The following PPP4R3A variants were observed in gnomAD, a reference collection of about 807,000 sequenced individuals.
The protein encoded by PPP4R3A is protein phosphatase 4 regulatory subunit 3A, also known as serine/threonine-protein phosphatase 4 regulatory subunit 3A.
Under a neutral mutation model 91.7 loss-of-function variants are expected in PPP4R3A, and 15 were observed. The ratio of observed to expected loss-of-function variants is 0.16; its 90% confidence interval spans 0.11 to 0.25. The LOEUF is 0.25. Ranked by LOEUF, PPP4R3A falls within the 10% of genes least tolerant of loss-of-function variation. The probability of loss-of-function intolerance (pLI) is 1.00; values close to 1 mark genes in which losing one functional copy is unlikely to be tolerated. For missense variants in PPP4R3A, 623 were observed against 998.4 expected (o/e 0.62, Z 5.07); for synonymous variants, 377 against 348.7 (o/e 1.08, Z -0.91).
At chr14:91,497,743 C>G (rs1235654779) in intron 1 of PPP4R3A, among the ~76,000 whole-genome samples, 3 of 152,128 alleles carry the variant, frequency 2.0e-5, no homozygotes, top group Middle Eastern at 3.2e-3. Context: ...GCCAACTATT[C>G]TTCTAGGAAA....
At chr14:91,470,799 G>C in intron 10 of PPP4R3A, 38 bp downstream of exon 10, 1 of 1,586,562 alleles carries the variant, frequency 6.3e-7, no homozygotes, top group Non-Finnish European at 8.5e-7. Context: ...ATACCAACAT[G>C]TCAATATACA....
At position 91,473,003 on chromosome 14, in the gene PPP4R3A, GAACTT is replaced by G. The variant is rs769350846; in HGVS notation, c.1501+25_1501+29del. The G allele has an allele frequency of 1.8e-5, 28 of 1,596,606 alleles. No homozygotes were observed. The East Asian group carries it at 5.8e-4, about 33-fold the overall frequency. On this transcript the variant is annotated intron_variant, in intron 9 of 14. Transcript: ENST00000554943. ...TTTGAATTCAGCATTCAAGAACAGAGAACTTAACTACCAACCTGAATTATCTTACC... is the reference window on the plus strand; with the variant it reads ...TTTGAATTCAGCATTCAAGAACAGAGAACTACCAACCTGAATTATCTTACC...
In PPP4R3A at chr14:91,470,899, T is replaced by C; in HGVS notation, c.1598A>G (p.Asn533Ser). 1 of 1,611,974 alleles carries C rather than the reference T, an allele frequency of 6.2e-7. No individual in the cohort carries two copies. Among genetic ancestry groups the C allele is most frequent in the Non-Finnish European group, 8.5e-7 (1 of 1,179,616 alleles). ...HTYHIKNYII[N>S]KDILRRVLVL... is the part of the protein sequence containing the mutation. ...TAGCACTCTCCGGAGGATATCCTTATTAATAATGTAGTTCTTTATGTGGTA... is the reference window on the plus strand; with the variant it reads ...TAGCACTCTCCGGAGGATATCCTTACTAATAATGTAGTTCTTTATGTGGTA... Residue 533 changes from asparagine to serine, a missense_variant, in exon 10 of 15, where the codon AAT becomes AGT. Transcript: ENST00000554943.
At chr14:91,508,256 T>C (rs1244696281) in intron 1 of PPP4R3A, among the ~76,000 whole-genome samples, 3 of 152,352 alleles carry the variant, frequency 2.0e-5, no homozygotes, top group African/African-American at 7.2e-5. Context: ...GGTAACCTTA[T>C]AACCTGTGGG....
chr14:91,503,143 T>A (rs1366543190), intron 1 of PPP4R3A, among the ~76,000 whole-genome samples: 1 of 152,106 alleles, frequency 6.6e-6, no homozygotes, highest in African/African-American at 2.4e-5. Flanking sequence ...ATGTGCCACA[T>A]GCCCAGCTAA....
chr14:91,478,590 AATT>A (rs1889350847), intron 4 of PPP4R3A, among the ~76,000 whole-genome samples: 1 of 152,244 alleles, frequency 6.6e-6, no homozygotes, highest in African/African-American at 2.4e-5. Flanking sequence ...AACAACTTGA[AATT>A]ATTCATACTT....
intron 1 of PPP4R3A, among the ~76,000 whole-genome samples, chr14:91,498,954 T>A (rs970718337): frequency 6.6e-6 from 1 of 150,942 alleles, no homozygotes; most frequent in Non-Finnish European, 1.5e-5. Flanking sequence ...CTAATTTTTT[T>A]ATTTTTATTT....
chr14:91,505,516 C>A (rs1891244085), intron 1 of PPP4R3A, among the ~76,000 whole-genome samples: 1 of 151,614 alleles, frequency 6.6e-6, no homozygotes, highest in Non-Finnish European at 1.5e-5. Context: ...ATCTCTAGCA[C>A]TGACCACCAA....
At chr14:91,498,914 A>C (rs1398258810) in intron 1 of PPP4R3A, among the ~76,000 whole-genome samples, 57 of 107,318 alleles carry the variant, frequency 5.3e-4, no homozygotes, top group African/African-American at 2.1e-3. Context: ...TGAGACTCCA[A>C]CTCAAAAAAA....
In PPP4R3A at chr14:91,458,825, A is replaced by T; in HGVS notation, c.2436T>A (p.Asp812Glu). ...GLVDYPDDDE[D>E]DDEDEDKEDT... Reference sequence around the variant, plus strand: ...CTTCCTTATCTTCATCCTCATCATCATCTTCATCATCATCAGGATAATCTA... The same window carrying T: ...CTTCCTTATCTTCATCCTCATCATCTTCTTCATCATCATCAGGATAATCTA... Residue 812 changes from aspartate to glutamate, a missense_variant, in exon 15 of 15, where the codon GAT becomes GAA. Around this residue, in one of 5 missense-constraint regions of PPP4R3A, gnomAD observed 201 missense variants for 229.9 expected, o/e 0.87. Coordinates refer to ENST00000554943, the MANE Select transcript of PPP4R3A (RefSeq NM_001366432.2). 3.1e-6 allele frequency: 5 copies of T among 1,613,696 alleles called. No individual in the cohort carries two copies. The highest frequency in any genetic ancestry group is 4.2e-6 in the Non-Finnish European group (5 of 1,179,774).
intron 3 of PPP4R3A, among the ~76,000 whole-genome samples, chr14:91,484,089 A>T (rs572869252): frequency 6.6e-6 from 1 of 152,344 alleles, no homozygotes; most frequent in South Asian, 2.1e-4. Flanking sequence ...ACACTACAAG[A>T]CAAAATCTAG....
In PPP4R3A at chr14:91,475,977, A is replaced by G; in HGVS notation, c.1111-11T>C. 4 of 1,524,504 alleles carry G rather than the reference A, an allele frequency of 2.6e-6. No individual in the cohort carries two copies. In the South Asian group the frequency reaches 5.4e-5, roughly 20 times the overall value. The allele number at this position is 1,524,504 out of a possible 1,614,324, so 94.4% of individuals were successfully genotyped here. On this transcript the variant is annotated splice_polypyrimidine_tract_variant and intron_variant, in intron 6 of 14. Transcript: ENST00000554943. ...TGTATCATCCATGCCCTGCAGACAA[A>G]AAACATTTATTTTTCCTGTATTTAT... is the stretch of plus-strand genomic sequence containing the variant.
At chr14:91,475,458 C>T in intron 7 of PPP4R3A, 1 of 226,696 alleles carries the variant, frequency 4.4e-6, no homozygotes, top group Non-Finnish European at 8.8e-6. Context: ...TGAGAATCTA[C>T]CCTAAAGTCA....
At position 91,461,440 on chromosome 14, in the gene PPP4R3A, G is replaced by T. The variant is rs1888150134; in HGVS notation, c.2332C>A (p.Pro778Thr). 6.2e-7 allele frequency: 1 copy of T among 1,614,004 alleles called. No individual in the cohort carries two copies. Among genetic ancestry groups the T allele is most frequent in the Non-Finnish European group, 8.5e-7 (1 of 1,179,988 alleles). Residue 778 changes from proline to threonine, a missense_variant, in exon 14 of 15, where the codon CCA becomes ACA. Pro to Thr is a conservative substitution (Grantham distance 38). Coordinates refer to ENST00000554943, the MANE Select transcript of PPP4R3A (RefSeq NM_001366432.2). ...SPGSPGSPGS[P>T]GSPGSVPKNT... ...TTAGGTACGGATCCAGGAGAGCCTG[G>T]AGATCCTGGGGATCCAGGTGATCCC...
intron 13 of PPP4R3A, 25 bp from the exon 14 acceptor site, chr14:91,461,632 G>C (rs779342635): frequency 3.1e-6 from 5 of 1,601,904 alleles, no homozygotes; most frequent in African/African-American, 1.3e-5. Flanking sequence ...ACTGTCAATA[G>C]TCGTCCCCCA....
At chr14:91,482,988 C>T (rs971261097) in intron 3 of PPP4R3A, among the ~76,000 whole-genome samples, 2 of 152,196 alleles carry the variant, frequency 1.3e-5, no homozygotes, top group African/African-American at 4.8e-5. Flanking sequence ...TCTACACACC[C>T]TAACCTGTAG....
At chr14:91,501,871 ATT>A (rs755484959) in intron 1 of PPP4R3A, among the ~76,000 whole-genome samples, 481 of 100,228 alleles carry the variant, frequency 4.8e-3, no homozygotes, top group Non-Finnish European at 7.1e-3. Context: ...AGCCCGGCTA[ATT>A]TTTTTTTTTT....
intron 1 of PPP4R3A, among the ~76,000 whole-genome samples, chr14:91,496,947 TA>T (rs34491698): frequency 0.49 from 74,014 of 151,366 alleles, 18,349 homozygotes; most frequent in Admixed American, 0.53. Flanking sequence ...TCAGTGTTAA[TA>T]TCAATTAACA....
intron 2 of PPP4R3A, among the ~76,000 whole-genome samples, chr14:91,486,708 T>C (rs1889902630): frequency 6.6e-6 from 1 of 151,668 alleles, no homozygotes; most frequent in South Asian, 2.1e-4. Context: ...GGTCAGGAGT[T>C]TGAGGTCAGC....
Sources: gnomAD v4.1 joint callset for allele counts (sites outside exome capture counted in the v4.1 genomes callset) on GRCh38, gnomAD v4.1.1 for gene constraint, gnomAD v4.1.1 regional missense constraint, MANE v1.5 for transcripts, NCBI Gene and HGNC (gene_info 2026-07-23, HGNC 2026-07-21) for gene names.